The following PRKG1 variants were observed in gnomAD, a reference collection of about 807,000 sequenced individuals.
PRKG1 encodes protein kinase cGMP-dependent 1, also known as cGMP-dependent protein kinase 1.
A neutral mutation model predicts 88.1 loss-of-function variants in PRKG1; 35 were observed. That is an observed-to-expected ratio of 0.40 (90% CI 0.30 to 0.53). PRKG1 has a LOEUF of 0.53. Among genes scored for constraint, PRKG1 ranks in the 20% least tolerant of loss-of-function variants. The pLI is 0.59. For missense variants in PRKG1, 540 were observed against 839.8 expected, an observed-to-expected ratio of 0.64 and a Z score of 4.41; for synonymous variants, 303 against 292.5, an observed-to-expected ratio of 1.04 and a Z score of -0.37.
At chr10:51,272,191 T>C (rs1464545246) in intron 2 of PRKG1, among the ~76,000 whole-genome samples, 1 of 152,238 alleles carries the variant, frequency 6.6e-6, no homozygotes, top group African/African-American at 2.4e-5. Context: ...TTTTTTCATA[T>C]GTTTGTTGGC....
intron 3 of PRKG1, among the ~76,000 whole-genome samples, chr10:51,573,813 G>A (rs144089187): frequency 1.4e-3 from 207 of 151,914 alleles, no homozygotes; most frequent in African/African-American, 4.3e-3. Flanking sequence ...ATGAGCACCC[G>A]TGCCAGTTTA....
At chr10:51,777,864 A>G (rs1050318439) in intron 3 of PRKG1, among the ~76,000 whole-genome samples, 1 of 152,184 alleles carries the variant, frequency 6.6e-6, no homozygotes, top group Non-Finnish European at 1.5e-5. Flanking sequence ...TGTATAGTAC[A>G]TAGCCTTTTC....
intron 3 of PRKG1, among the ~76,000 whole-genome samples, chr10:51,792,980 C>T (rs1838907451): frequency 6.6e-6 from 1 of 151,638 alleles, no homozygotes; most frequent in African/African-American, 2.4e-5. Flanking sequence ...AATGTCCAGA[C>T]ATTGCTGTAT....
chr10:51,489,793 A>C (rs1279532327), intron 3 of PRKG1, among the ~76,000 whole-genome samples: 1 of 152,132 alleles, frequency 6.6e-6, no homozygotes, highest in East Asian at 1.9e-4. Context: ...CTGTTGCAGT[A>C]ATTCAGGTGA....
chr10:51,153,165 T>C lies in PRKG1; in HGVS notation c.313T>C (p.Ser105Pro). The part of the protein sequence containing the change: ...TLPFYPKSPQ[S>P]KDLIKEAILD... ...TAAATCTTCCCTCTCTTGCCATAGGTCCAAGGATCTTATAAAGGAAGCTAT... is the reference window on the plus strand; with the variant it reads ...TAAATCTTCCCTCTCTTGCCATAGGCCCAAGGATCTTATAAAGGAAGCTAT... The change falls in exon 2 of 18, where the codon TCC (serine) becomes CCC (proline). Residue 105 changes from serine to proline, a missense_variant and splice_region_variant. This residue lies in a region of PRKG1 where 400 missense variants were observed against 562.7 expected (regional missense o/e 0.71). Transcript: ENST00000373980. The C allele has an allele frequency of 6.2e-7, 1 of 1,610,864 alleles. No homozygotes were observed. Among genetic ancestry groups the C allele is most frequent in the African/African-American group, 1.3e-5 (1 of 74,772 alleles).
intron 7 of PRKG1, among the ~76,000 whole-genome samples, chr10:52,105,841 T>A (rs1242905509): frequency 6.6e-6 from 1 of 152,072 alleles, no homozygotes; most frequent in Non-Finnish European, 1.5e-5. Flanking sequence ...TTTCAATAGT[T>A]TTTTGGGAGA....
chr10:51,056,239 T>C (rs1443027876), intron 1 of PRKG1, among the ~76,000 whole-genome samples: 1 of 152,180 alleles, frequency 6.6e-6, no homozygotes, highest in Non-Finnish European at 1.5e-5. Flanking sequence ...AGATATGCTA[T>C]TTGTGTTTAG....
At chr10:51,832,866 G>T (rs946771515) in intron 4 of PRKG1, among the ~76,000 whole-genome samples, 2 of 152,050 alleles carry the variant, frequency 1.3e-5, no homozygotes, top group African/African-American at 4.8e-5. Context: ...AAGTCTCTCT[G>T]GTACGGCCCT....
chr10:51,499,861 A>C (rs1021809843), intron 3 of PRKG1, among the ~76,000 whole-genome samples: 2 of 152,228 alleles, frequency 1.3e-5, no homozygotes, highest in Non-Finnish European at 2.9e-5. Flanking sequence ...TCAGAGGCTG[A>C]GGCAGGAGAA....
intron 14 of PRKG1, among the ~76,000 whole-genome samples, chr10:52,284,341 G>A (rs563172095): frequency 1.8e-4 from 28 of 151,560 alleles, no homozygotes; most frequent in Non-Finnish European, 2.5e-4. Flanking sequence ...TATATATATC[G>A]AAACATTATG....
intron 4 of PRKG1, among the ~76,000 whole-genome samples, chr10:51,829,781 C>T (rs916542672): frequency 2.0e-5 from 3 of 152,144 alleles, no homozygotes; most frequent in Non-Finnish European, 4.4e-5. Context: ...GCTCTTCCAA[C>T]TTTTTAGTCT....
intron 3 of PRKG1, among the ~76,000 whole-genome samples, chr10:51,699,971 A>G (rs551478915): frequency 4.1e-4 from 62 of 152,380 alleles, no homozygotes; most frequent in Middle Eastern, 3.4e-3. Flanking sequence ...CCGCCAACCG[A>G]AAGCGGATTT....
intron 3 of PRKG1, among the ~76,000 whole-genome samples, chr10:51,547,202 G>A (rs1377117501): frequency 6.6e-6 from 1 of 152,066 alleles, no homozygotes; most frequent in Non-Finnish European, 1.5e-5. Flanking sequence ...CTAGGTCAAA[G>A]CAGGGCAGCT....
chr10:51,955,530 A>G (rs1036134593), intron 5 of PRKG1, among the ~76,000 whole-genome samples: 1 of 152,194 alleles, frequency 6.6e-6, no homozygotes, highest in African/African-American at 2.4e-5. Context: ...TGTAAGCTTC[A>G]GCATATTAAG....
chr10:51,594,888 A>G (rs556285492), intron 3 of PRKG1, among the ~76,000 whole-genome samples: 5 of 152,292 alleles, frequency 3.3e-5, no homozygotes, highest in African/African-American at 1.2e-4. Flanking sequence ...TACTCAACCA[A>G]AAAGGCATAG....
intron 3 of PRKG1, among the ~76,000 whole-genome samples, chr10:51,552,995 T>C (rs540745561): frequency 6.6e-6 from 1 of 151,756 alleles, no homozygotes; most frequent in East Asian, 1.9e-4. Context: ...CAAAATAACA[T>C]AATGAGGACA....
intron 3 of PRKG1, among the ~76,000 whole-genome samples, chr10:51,563,922 C>T (rs1837534278): frequency 6.6e-6 from 1 of 152,082 alleles, no homozygotes; most frequent in Non-Finnish European, 1.5e-5. Flanking sequence ...GACCCAGATA[C>T]ATGAGATAAG....
At chr10:51,115,386 A>ATAT (rs1465710988) in intron 1 of PRKG1, among the ~76,000 whole-genome samples, 1,704 of 70,434 alleles carry the variant, frequency 0.024, 212 homozygotes, top group Non-Finnish European at 0.035. Context: ...TATATATATA[A>ATAT]AACAAATGTG....
intron 7 of PRKG1, among the ~76,000 whole-genome samples, chr10:52,131,513 T>A (rs1173984775): frequency 2.0e-5 from 3 of 151,878 alleles, no homozygotes; most frequent in South Asian, 2.1e-4. Flanking sequence ...ATGGAAAGCA[T>A]GTTAAGAACT....
Sources: gnomAD v4.1 joint callset for allele counts (sites outside exome capture counted in the v4.1 genomes callset) on GRCh38, gnomAD v4.1.1 for gene constraint, gnomAD v4.1.1 regional missense constraint, MANE v1.5 for transcripts, NCBI Gene and HGNC (gene_info 2026-07-23, HGNC 2026-07-21) for gene names.